AGO3: variants seen among roughly 807,000 people sequenced by gnomAD.
The protein encoded by AGO3 is protein argonaute-3.
In AGO3, 16 loss-of-function variants were observed where a neutral mutation model predicts 105.5. The ratio of observed to expected loss-of-function variants is 0.15; its 90% confidence interval spans 0.10 to 0.23. The LOEUF (loss-of-function observed/expected upper bound fraction) is 0.23, where lower values mean the gene tolerates loss of function less well. Ranked by LOEUF, AGO3 falls within the 10% of genes least tolerant of loss-of-function variation. The probability of loss-of-function intolerance (pLI) is 1.00; values close to 1 mark genes in which losing one functional copy is unlikely to be tolerated. For synonymous variants in AGO3, 340 were observed against 367.3 expected (o/e 0.93, Z 0.85); for missense variants, 534 against 1,088.0 (o/e 0.49, Z 7.16).
Position 36,056,366 on chromosome 1 carries a change from C to G in AGO3, c.*621C>G, listed in dbSNP as rs763122851. The stretch of plus-strand genomic sequence containing the variant: ...CACTACCGCCTTTATTTCTCTATTT[C>G]CCTTGCCTTCATCACCTACATTTTT... On this transcript the variant is annotated 3_prime_UTR_variant, in exon 19 of 19. Transcript: ENST00000373191. 2.0e-5 allele frequency: 3 copies of G among 152,086 alleles called. No individual in the cohort carries two copies. The highest frequency in any genetic ancestry group is 4.4e-5 in the Non-Finnish European group (3 of 68,016). The allele number at this position is 152,086 out of a possible 1,614,324, so 9.4% of individuals were successfully genotyped here. A position where few individuals can be genotyped will look rare whatever the true frequency, so the allele number is the denominator to read the frequency against.
chr1:36,020,181 A>G (rs930530878), intron 11 of AGO3, among the ~76,000 whole-genome samples: 7 of 152,168 alleles, frequency 4.6e-5, no homozygotes, highest in Non-Finnish European at 1.0e-4. Flanking sequence ...GTCTCTCTCC[A>G]TGAGTCCATG....
At chr1:36,011,721 A>C (rs1640622302) in intron 9 of AGO3, among the ~76,000 whole-genome samples, 1 of 152,250 alleles carries the variant, frequency 6.6e-6, no homozygotes, top group South Asian at 2.1e-4. Context: ...AGTGATTAAG[A>C]GTAGACACTC....
In AGO3 at chr1:35,966,496, T is replaced by G. The variant is rs140185973; in HGVS notation, c.192-459T>G. ...ATGGGAGGAGAAAGGAACACAGGTA[T>G]GTTTGCTGCTCTCAGGAGGCTCACA... On this transcript the variant is annotated intron_variant, in intron 2 of 18. Coordinates refer to ENST00000373191, the MANE Select transcript of AGO3 (RefSeq NM_024852.4). 9.8e-4 allele frequency among the ~76,000 whole-genome samples: 150 copies of G among 152,298 alleles called. 1 individual carries two copies. Among genetic ancestry groups the G allele is most frequent in the African/African-American group, 3.5e-3 (144 of 41,548 alleles).
rs374579684 is a variant in AGO3, at chr1:36,034,371, A to G, written c.1751+38A>G. On this transcript the variant is annotated intron_variant, in intron 13 of 18. Transcript: ENST00000373191. Reference sequence around the variant, plus strand: ...AATCGCTTATGAAAATATTATTTTTATATCTTCATTTGTCTATATATGACC... The same window carrying G: ...AATCGCTTATGAAAATATTATTTTTGTATCTTCATTTGTCTATATATGACC... The G allele has an allele frequency of 1.7e-5, 26 of 1,490,046 alleles. No homozygotes were observed. In the East Asian group the frequency reaches 4.2e-4, roughly 24 times the overall value. The allele number at this position is 1,490,046 out of a possible 1,614,324, so 92.3% of individuals were successfully genotyped here.
chr1:35,949,453 G>A (rs1256948260), intron 2 of AGO3, among the ~76,000 whole-genome samples: 1 of 152,048 alleles, frequency 6.6e-6, no homozygotes, highest in African/African-American at 2.4e-5. Context: ...AAATTGATGT[G>A]GTGGCTCAGT....
chr1:36,003,694 CAAAAA>C (rs1209511459), intron 5 of AGO3, among the ~76,000 whole-genome samples: 2 of 53,482 alleles, frequency 3.7e-5, no homozygotes, highest in Non-Finnish European at 6.1e-5. Context: ...AAGTCTGTCT[CAAAAA>C]AAAAAAAAAA....
intron 1 of AGO3, among the ~76,000 whole-genome samples, chr1:35,932,621 CTCTTTTTCCTGCTCCATTG>C (rs1646074156): frequency 6.7e-6 from 1 of 149,374 alleles, no homozygotes; most frequent in African/African-American, 2.5e-5. Context: ...TAGACCATAT[CTCTTTTTCCTGCTCCATTG>C]TTTCGCTTTC....
At chr1:35,991,171 G>A (rs1483854001) in intron 5 of AGO3, among the ~76,000 whole-genome samples, 1 of 152,252 alleles carries the variant, frequency 6.6e-6, no homozygotes, top group East Asian at 1.9e-4. Flanking sequence ...GGGCATGGTG[G>A]TGTGCATCTG....
At chr1:35,991,626 G>A (rs1253378150) in intron 5 of AGO3, among the ~76,000 whole-genome samples, 2 of 150,952 alleles carry the variant, frequency 1.3e-5, no homozygotes, top group East Asian at 1.9e-4. Context: ...AGCTCTTTCT[G>A]TGGTGGAAAT....
At chr1:35,942,063 A>T (rs535318361) in intron 1 of AGO3, among the ~76,000 whole-genome samples, 1 of 152,226 alleles carries the variant, frequency 6.6e-6, no homozygotes, top group Non-Finnish European at 1.5e-5. Context: ...CAGAGCCAGT[A>T]CTAAGGGCTA....
intron 1 of AGO3, among the ~76,000 whole-genome samples, chr1:35,933,561 G>C (rs948497036): frequency 2.2e-5 from 3 of 138,698 alleles, no homozygotes; most frequent in Admixed American, 8.1e-5. Flanking sequence ...AGAATGGATT[G>C]AGCCCAGAAG....
intron 5 of AGO3, among the ~76,000 whole-genome samples, chr1:35,986,658 A>G (rs1449695710): frequency 6.6e-6 from 1 of 151,976 alleles, no homozygotes; most frequent in African/African-American, 2.4e-5. Context: ...TCTGTACTCC[A>G]GTCTAGGCAA....
intron 1 of AGO3, among the ~76,000 whole-genome samples, chr1:35,935,896 G>T (rs1225184278): frequency 6.6e-6 from 1 of 152,140 alleles, no homozygotes; most frequent in South Asian, 2.1e-4. Flanking sequence ...AGTTTTTGTT[G>T]TTGCTAATGG....
At chr1:35,945,257 G>A (rs1646341103) in intron 1 of AGO3, among the ~76,000 whole-genome samples, 3 of 150,406 alleles carry the variant, frequency 2.0e-5, no homozygotes, top group Admixed American at 2.0e-4. Flanking sequence ...CTGGCACTGA[G>A]TCTGGAGCGT....
chr1:36,013,871 A>G (rs1404355584), intron 10 of AGO3, 44 bp from the exon 11 acceptor site: 2 of 1,600,956 alleles, frequency 1.2e-6, no homozygotes, highest in Non-Finnish European at 8.5e-7. Context: ...TTTATTGAAA[A>G]TTTTTGTTCT....
intron 12 of AGO3, among the ~76,000 whole-genome samples, chr1:36,032,725 C>G (rs1405553328): frequency 6.6e-6 from 1 of 151,758 alleles, no homozygotes; most frequent in Non-Finnish European, 1.5e-5. Context: ...TGCAGTGGCT[C>G]ACACCTGTAA....
chr1:36,023,940 A>C (rs1175058955), intron 11 of AGO3, among the ~76,000 whole-genome samples: 1 of 151,904 alleles, frequency 6.6e-6, no homozygotes, highest in Non-Finnish European at 1.5e-5. Context: ...AAAAATCTTC[A>C]GTTCAGTTTC....
At chr1:36,031,152 A>G (rs931105908) in intron 12 of AGO3, among the ~76,000 whole-genome samples, 7 of 152,194 alleles carry the variant, frequency 4.6e-5, no homozygotes, top group South Asian at 2.1e-4. Flanking sequence ...CTGACCTTCA[A>G]CCTTCCTCCT....
At chr1:36,033,587 G>A (rs1195263530) in intron 12 of AGO3, among the ~76,000 whole-genome samples, 2 of 150,252 alleles carry the variant, frequency 1.3e-5, no homozygotes, top group Non-Finnish European at 2.9e-5. Flanking sequence ...CGAGACTACA[G>A]TGATGCATGA....
Sources: allele counts gnomAD v4.1 joint callset (sites outside exome capture counted in the v4.1 genomes callset), GRCh38; gene constraint gnomAD v4.1.1; transcripts MANE v1.5; gene names NCBI Gene and HGNC (gene_info 2026-07-23, HGNC 2026-07-21).